Variants in GBF1 observed in about 807,000 individuals in gnomAD.
GBF1 encodes Golgi-specific brefeldin A-resistance guanine nucleotide exchange factor 1.
Under a neutral mutation model 210.5 loss-of-function variants are expected in GBF1, and 114 were observed. The ratio of observed to expected loss-of-function variants is 0.54; its 90% confidence interval spans 0.47 to 0.63. The LOEUF (loss-of-function observed/expected upper bound fraction) is 0.63. GBF1 is among the 30% of genes least tolerant of loss of function. The pLI, the probability that GBF1 is intolerant of heterozygous loss-of-function variation, is 0.00. For missense variants in GBF1, 1,851 were observed against 2,357.7 expected (o/e 0.79, Z 4.45); for synonymous variants, 850 against 889.2 (o/e 0.96, Z 0.78).
intron 3 of GBF1, among the ~76,000 whole-genome samples, chr10:102,307,065 G>C (rs2077948419): frequency 6.6e-6 from 1 of 152,194 alleles, no homozygotes; most frequent in African/African-American, 2.4e-5. Flanking sequence ...TATTTGAAAG[G>C]TGGAAAAGGA....
chr10:102,312,431 T>G (rs1189946806), intron 3 of GBF1, among the ~76,000 whole-genome samples: 2 of 152,208 alleles, frequency 1.3e-5, no homozygotes, highest in Non-Finnish European at 2.9e-5. Flanking sequence ...GTAGGTTGGT[T>G]GGCAAGCATT....
intron 17 of GBF1, among the ~76,000 whole-genome samples, chr10:102,364,328 A>G (rs1301900278): frequency 3.5e-5 from 5 of 143,926 alleles, no homozygotes; most frequent in Admixed American, 7.4e-5. Context: ...GGGTTCAAGC[A>G]ATTCTTCTGC....
At chr10:102,349,408 T>A (rs2058785156) in intron 4 of GBF1, among the ~76,000 whole-genome samples, 1 of 152,124 alleles carries the variant, frequency 6.6e-6, no homozygotes, top group African/African-American at 2.4e-5. Context: ...GGCAGGCACC[T>A]GTAATCCCAG....
At chr10:102,289,267 T>G (rs1038931857) in intron 3 of GBF1, among the ~76,000 whole-genome samples, 1 of 152,218 alleles carries the variant, frequency 6.6e-6, no homozygotes, top group African/African-American at 2.4e-5. Context: ...CTATGCAGTT[T>G]CATTGATGTC....
At chr10:102,359,477 C>G (rs758855775) in intron 11 of GBF1, 42 bp downstream of exon 11, 2 of 1,463,414 alleles carry the variant, frequency 1.4e-6, no homozygotes, top group Non-Finnish European at 1.9e-6. Flanking sequence ...CTCCCCCATC[C>G]TACCTACTAA....
chr10:102,233,888 G>A, the GBF1 span, among the ~76,000 whole-genome samples: 2 of 152,058 alleles, frequency 1.3e-5, no homozygotes, highest in Non-Finnish European at 2.9e-5. Context: ...AGTTTCCCCC[G>A]CAGGGTCCCC....
chr10:102,270,924 G>A (rs924833717), intron 3 of GBF1, among the ~76,000 whole-genome samples: 4 of 152,142 alleles, frequency 2.6e-5, no homozygotes, highest in Non-Finnish European at 4.4e-5. Flanking sequence ...GCAGTGGTAC[G>A]ATCATAGCTC....
At chr10:102,350,910 C>T (rs1224842558) in intron 4 of GBF1, among the ~76,000 whole-genome samples, 2 of 151,970 alleles carry the variant, frequency 1.3e-5, no homozygotes, top group East Asian at 1.9e-4. Flanking sequence ...ATGGCAAAAC[C>T]CCATCTCTAC....
At chr10:102,231,215 G>T in the GBF1 span, 1 of 1,047,480 alleles carries the variant, frequency 9.5e-7, no homozygotes, top group Non-Finnish European at 1.3e-6. Flanking sequence ...AACGAGATGA[G>T]GTGGCTAGAG....
At chr10:102,346,268 A>G (rs966955686) in intron 4 of GBF1, among the ~76,000 whole-genome samples, 2 of 152,284 alleles carry the variant, frequency 1.3e-5, no homozygotes. Context: ...GGCATGAGCC[A>G]CCATGCCCGG....
chr10:102,341,019 A>G (rs946574398), intron 3 of GBF1, among the ~76,000 whole-genome samples: 2 of 152,252 alleles, frequency 1.3e-5, no homozygotes, highest in Non-Finnish European at 2.9e-5. Flanking sequence ...GAATGAAAAA[A>G]TAAGCTTAAG....
At chr10:102,242,151 T>C (rs1294481446), upstream of GBF1, among the ~76,000 whole-genome samples, 1 of 152,232 alleles carries the variant, frequency 6.6e-6, no homozygotes, top group African/African-American at 2.4e-5. Context: ...ATCTTTCCTC[T>C]TCTTCATTTC....
intron 4 of GBF1, among the ~76,000 whole-genome samples, chr10:102,348,627 C>T (rs779196038): frequency 3.3e-5 from 5 of 152,072 alleles, no homozygotes; most frequent in Non-Finnish European, 5.9e-5. Flanking sequence ...TCGGGAGAAA[C>T]GTGGAGAGGT....
At chr10:102,266,521 C>G (rs1401453697) in intron 3 of GBF1, among the ~76,000 whole-genome samples, 2 of 152,214 alleles carry the variant, frequency 1.3e-5, no homozygotes, top group African/African-American at 4.8e-5. Context: ...TCTAGCTGAT[C>G]ATTCCAAAGC....
At chr10:102,367,038 T>C (rs748882828) in intron 19 of GBF1, 47 bp from the exon 20 acceptor site, 8 of 1,608,154 alleles carry the variant, frequency 5.0e-6, no homozygotes, top group Middle Eastern at 1.7e-4. Flanking sequence ...GAGGGTTTAA[T>C]TGGCCAGAGA....
chr10:102,313,959 A>G (rs959772292), intron 3 of GBF1, among the ~76,000 whole-genome samples: 2 of 152,234 alleles, frequency 1.3e-5, no homozygotes, highest in African/African-American at 4.8e-5. Context: ...GGCAGAAACT[A>G]TTAAACTCTT....
intron 24 of GBF1, 49 bp from the exon 25 acceptor site, chr10:102,369,662 C>T (rs1267817731): frequency 1.3e-6 from 2 of 1,561,238 alleles, no homozygotes; most frequent in African/African-American, 1.4e-5. Flanking sequence ...GAGGCGGGCA[C>T]AAATGCAAAG....
chr10:102,376,395 C>T lies in GBF1; in HGVS notation c.4010C>T (p.Ala1337Val), dbSNP rs2060497149. The T allele has an allele frequency of 6.2e-7, 1 of 1,614,146 alleles. No homozygotes were observed. Among genetic ancestry groups the T allele is most frequent in the Non-Finnish European group, 8.5e-7 (1 of 1,180,020 alleles). The change falls in exon 31 of 40, where the codon GCC becomes GTC. Residue 1337 changes from alanine to valine, a missense_variant. By Grantham distance (64) the Ala-to-Val change is moderately conservative. Around this residue, in one of 3 missense-constraint regions of GBF1, gnomAD observed 967 missense variants for 1,247.7 expected, o/e 0.78. Coordinates refer to ENST00000369983, the MANE Select transcript of GBF1 (RefSeq NM_001377137.1). Reference sequence around the variant, plus strand: ...AGGCCGGGCAAGATACACCGATCAGCCACAGATGCCGATGTGGTCAACAGT... The same window carrying T: ...AGGCCGGGCAAGATACACCGATCAGTCACAGATGCCGATGTGGTCAACAGT... ...HGRPGKIHRS[A>V]TDADVVNSGW...
chr10:102,314,890 T>A (rs2078802365), intron 3 of GBF1, among the ~76,000 whole-genome samples: 1 of 152,158 alleles, frequency 6.6e-6, no homozygotes, highest in African/African-American at 2.4e-5. Context: ...AACCTCTCAT[T>A]AACATTTTCC....
Sources: gnomAD v4.1 joint callset for allele counts (sites outside exome capture counted in the v4.1 genomes callset) on GRCh38, gnomAD v4.1.1 for gene constraint, gnomAD v4.1.1 regional missense constraint, MANE v1.5 for transcripts, NCBI Gene and HGNC (gene_info 2026-07-23, HGNC 2026-07-21) for gene names.